The following ELMOD1 variants were observed in gnomAD, a reference collection of about 807,000 sequenced individuals.
The protein encoded by ELMOD1 is ELMO domain-containing protein 1.
A neutral mutation model predicts 46.7 loss-of-function variants in ELMOD1; 21 were observed. That is an observed-to-expected ratio of 0.45 (90% CI 0.32 to 0.65). The LOEUF is 0.65. Ranked by LOEUF, ELMOD1 falls within the 30% of genes least tolerant of loss-of-function variation. The probability of loss-of-function intolerance (pLI) is 0.04; values close to 1 mark genes in which losing one functional copy is unlikely to be tolerated. For missense variants in ELMOD1, 348 were observed against 407.8 expected (o/e 0.85, Z 1.26); for synonymous variants, 122 against 138.2 (o/e 0.88, Z 0.82).
At chr11:107,607,738 A>G (rs1865709914) in intron 1 of ELMOD1, among the ~76,000 whole-genome samples, 1 of 152,192 alleles carries the variant, frequency 6.6e-6, no homozygotes, top group African/African-American at 2.4e-5. Context: ...TCCTTCTGAT[A>G]CCCAGATCAG....
chr11:107,607,879 C>A (rs1367872542), intron 1 of ELMOD1, among the ~76,000 whole-genome samples: 1 of 151,990 alleles, frequency 6.6e-6, no homozygotes, highest in Non-Finnish European at 1.5e-5. Flanking sequence ...GGAAATTAAT[C>A]AGTGGCAAAT....
intron 6 of ELMOD1, among the ~76,000 whole-genome samples, chr11:107,644,909 TTTTTG>T (rs1420112901): frequency 1.5e-5 from 1 of 65,908 alleles, no homozygotes; most frequent in Non-Finnish European, 3.9e-5. Flanking sequence ...TCCTAAAGGG[TTTTTG>T]TTTTTGTTTT....
chr11:107,624,867 AT>A (rs1364771412), intron 2 of ELMOD1, among the ~76,000 whole-genome samples: 1 of 152,164 alleles, frequency 6.6e-6, no homozygotes, highest in Admixed American at 6.5e-5. Context: ...CAGCAGTATA[AT>A]TTTGAATAAC....
At chr11:107,612,257 G>A (rs371159186) in intron 1 of ELMOD1, among the ~76,000 whole-genome samples, 11 of 152,138 alleles carry the variant, frequency 7.2e-5, no homozygotes, top group South Asian at 4.1e-4. Context: ...AAATTAACAC[G>A]GAAAACAAAA....
At chr11:107,638,097 C>A (rs994577426) in intron 6 of ELMOD1, among the ~76,000 whole-genome samples, 5 of 152,106 alleles carry the variant, frequency 3.3e-5, no homozygotes, top group African/African-American at 1.2e-4. Context: ...TAAGTCGTGC[C>A]ATACCATACG....
intron 1 of ELMOD1, among the ~76,000 whole-genome samples, chr11:107,595,931 G>A (rs1865485583): frequency 6.6e-6 from 1 of 152,084 alleles, no homozygotes; most frequent in African/African-American, 2.4e-5. Context: ...TGATATTTAA[G>A]ATGCCATCAA....
At chr11:107,641,690 A>G (rs1866326363) in intron 6 of ELMOD1, among the ~76,000 whole-genome samples, 1 of 152,206 alleles carries the variant, frequency 6.6e-6, no homozygotes, top group Non-Finnish European at 1.5e-5. Context: ...CTGTCCAAGT[A>G]TGCTAGCCTA....
intron 2 of ELMOD1, among the ~76,000 whole-genome samples, chr11:107,629,209 T>C (rs1264400194): frequency 6.6e-6 from 1 of 152,190 alleles, no homozygotes; most frequent in Non-Finnish European, 1.5e-5. Context: ...ACCAGAGCAA[T>C]TTAAGGAAAG....
At chr11:107,613,040 T>A (rs1031193741) in intron 1 of ELMOD1, among the ~76,000 whole-genome samples, 1 of 152,152 alleles carries the variant, frequency 6.6e-6, no homozygotes, top group African/African-American at 2.4e-5. Flanking sequence ...TCCAGTTGAT[T>A]CTACCTTCTA....
chr11:107,635,787 G>A (rs571269110), intron 6 of ELMOD1, 22 bp downstream of exon 6: 51 of 1,602,400 alleles, frequency 3.2e-5, no homozygotes, highest in African/African-American at 2.0e-4. Flanking sequence ...AACACATTTC[G>A]GTTCTTCCTC....
At chr11:107,601,572 T>C (rs745631089) in intron 1 of ELMOD1, among the ~76,000 whole-genome samples, 27 of 151,580 alleles carry the variant, frequency 1.8e-4, no homozygotes, top group Non-Finnish European at 3.4e-4. Context: ...CGTGCCACCA[T>C]GCCTGGCTAA....
At chr11:107,599,749 AAAG>A in intron 1 of ELMOD1, among the ~76,000 whole-genome samples, 1 of 140,158 alleles carries the variant, frequency 7.1e-6, no homozygotes. Context: ...TCAAAAAAAA[AAAG>A]AAAAAAAGAA....
intron 1 of ELMOD1, among the ~76,000 whole-genome samples, chr11:107,608,493 C>T (rs1028558471): frequency 3.9e-5 from 6 of 152,024 alleles, no homozygotes; most frequent in African/African-American, 7.2e-5. Flanking sequence ...CAGTGTGGAC[C>T]GGAAGCTTGA....
intron 2 of ELMOD1, chr11:107,623,424 T>C (rs1323515176): frequency 6.6e-6 from 1 of 152,234 alleles, no homozygotes; most frequent in Non-Finnish European, 1.5e-5. Context: ...CTTTGGCCAC[T>C]TCACTGTTTG....
At chr11:107,662,659 T>G (rs1415769163) in intron 11 of ELMOD1, among the ~76,000 whole-genome samples, 2 of 148,738 alleles carry the variant, frequency 1.3e-5, no homozygotes, top group Non-Finnish European at 3.0e-5. Context: ...GCGTGGTGGC[T>G]CACACCTGTA....
chr11:107,635,674 T>C lies in ELMOD1; in HGVS notation c.329T>C (p.Val110Ala), dbSNP rs762305899. 2.0e-5 allele frequency: 32 copies of C among 1,613,682 alleles called. No individual in the cohort carries two copies. Among genetic ancestry groups the C allele is most frequent in the Admixed American group, 8.3e-5 (5 of 59,978 alleles). ...CTTCAGGCTTGCCTTCTGCAAATCG[T>C]TGGGTACAGGAACCTTATTGCAGAT... The part of the protein sequence containing the change: ...ISLQACLLQI[V>A]GYRNLIADVE... Residue 110 changes from valine to alanine, a missense_variant, in exon 6 of 12, where the codon GTT (valine) becomes GCT (alanine). Coordinates refer to ENST00000265840, the MANE Select transcript of ELMOD1 (RefSeq NM_018712.4).
chr11:107,602,162 G>A lies in ELMOD1; in HGVS notation c.-86+10753G>A, dbSNP rs112614190. ...TGTAGATTAGAAAGAATTTTTTCTT[G>A]GAATTTTTCTTTTTGCTTCTGTGTT... On this transcript the variant is annotated intron_variant, in intron 1 of 11. Transcript: ENST00000265840. Among the ~76,000 whole-genome samples, 584 of 152,204 alleles carry A rather than the reference G, an allele frequency of 3.8e-3. 2 individuals are homozygous for A. The highest frequency in any genetic ancestry group is 0.014 in the African/African-American group (564 of 41,536).
At chr11:107,613,307 G>C (rs898119629) in intron 1 of ELMOD1, among the ~76,000 whole-genome samples, 1 of 152,070 alleles carries the variant, frequency 6.6e-6, no homozygotes, top group Non-Finnish European at 1.5e-5. Flanking sequence ...TTAATCCTTA[G>C]AACAATCCTA....
chr11:107,655,573 C>CTTTTTTTTTTTTTTTTTTTTTT lies in ELMOD1; in HGVS notation c.699-345_699-344insTTTTTTTTTTTTTTTTTTTTTT, dbSNP rs746890763. On this transcript the variant is annotated intron_variant, in intron 10 of 11. Transcript: ENST00000265840. ...ATCAGATTACCCATTATTGAAATGC[C>CTTTTTTTTTTTTTTTTTTTTTT]TTTTTTTTTTTTTTTGTAAAGTGAA... 3.6e-5 allele frequency among the ~76,000 whole-genome samples: 4 copies of CTTTTTTTTTTTTTTTTTTTTTT among 112,470 alleles called. 1 individual carries two copies. The highest frequency in any genetic ancestry group is 3.4e-5 in the Non-Finnish European group (2 of 58,686). The allele number at this position is 112,470 out of a possible 152,430, so 73.8% of individuals were successfully genotyped here.
Sources: allele counts gnomAD v4.1 joint callset (sites outside exome capture counted in the v4.1 genomes callset), GRCh38; gene constraint gnomAD v4.1.1; transcripts MANE v1.5; gene names NCBI Gene and HGNC (gene_info 2026-07-23, HGNC 2026-07-21).